ASB18: variants seen among roughly 807,000 people sequenced by gnomAD.
ASB18 encodes ankyrin repeat and SOCS box containing 18, also known as ankyrin repeat and SOCS box protein 18.
In ASB18, 33 loss-of-function variants were observed where a neutral mutation model predicts 33.4. That is an observed-to-expected ratio of 0.99 (90% confidence interval 0.75 to 1.32). The LOEUF (loss-of-function observed/expected upper bound fraction) is 1.32. Ranked by LOEUF, ASB18 falls within the 40% of genes most tolerant of loss-of-function variation. ASB18 has a pLI of 0.00. For synonymous variants in ASB18, 295 were observed against 307.6 expected (o/e 0.96, Z 0.43); for missense variants, 694 against 655.5 (o/e 1.06, Z -0.64).
rs977096619 is a variant in ASB18 at position 236,244,982 on chromosome 2, G to C, written c.206-3580C>G. On this transcript the variant is annotated intron_variant, in intron 1 of 5. Transcript: ENST00000409749. This position sits in a 1 kb window ranked among gnomAD's most constrained non-coding sequence, Gnocchi z 6.1. Reference sequence around the variant, plus strand: ...GAGGAGGGCTGCAGTGGTGCTGGGTGGGGAGGGATGAGGCCACGTTTGGCA... The same window carrying C: ...GAGGAGGGCTGCAGTGGTGCTGGGTCGGGAGGGATGAGGCCACGTTTGGCA... Among the ~76,000 whole-genome samples, 3 of 152,136 alleles carry C rather than the reference G, an allele frequency of 2.0e-5. No homozygotes were observed. In the South Asian group the frequency reaches 6.2e-4, roughly 32 times the overall value.
intron 4 of ASB18, among the ~76,000 whole-genome samples, chr2:236,202,139 T>A (rs1020982507): frequency 6.6e-6 from 1 of 152,002 alleles, no homozygotes; most frequent in Non-Finnish European, 1.5e-5. Flanking sequence ...TTTGTAGAGA[T>A]GGGGTTTCAC....
chr2:236,256,143 A>T lies in ASB18; in HGVS notation c.205+7998T>A, dbSNP rs552215035. ...CCAGCTTAAGTGGTCCTCCTGCCTC[A>T]GTCCCCCAAGTAACTGGGACTATAG... On this transcript the variant is annotated intron_variant, in intron 1 of 5. Transcript: ENST00000409749. This position sits in a 1 kb window ranked among gnomAD's most constrained non-coding sequence, Gnocchi z 4.7. Among the ~76,000 whole-genome samples the T allele has an allele frequency of 6.6e-6, 1 of 152,200 alleles. No individual in the cohort carries two copies. The highest frequency in any genetic ancestry group is 2.4e-5 in the African/African-American group (1 of 41,518).
At position 236,195,979 on chromosome 2, in the gene ASB18, G is replaced by A. The variant is rs898608740; in HGVS notation, c.1215+293C>T. On this transcript the variant is annotated intron_variant, in intron 5 of 5. Transcript: ENST00000409749. This position sits in a 1 kb window ranked among gnomAD's most constrained non-coding sequence, Gnocchi z 5.5. ...TGGAGCTAGGCCCGTGGATTCAGGC[G>A]GCTCTGGCCTTTCTTTGGACACTGG... The A allele has an allele frequency of 9.4e-6, 4 of 423,942 alleles. No individual in the cohort carries two copies. Among genetic ancestry groups the A allele is most frequent in the Non-Finnish European group, 1.3e-5 (3 of 225,522 alleles). 26.3% of individuals were successfully genotyped at this position (423,942 alleles called of 1,614,324 possible).
In ASB18 at chr2:236,257,948, G is replaced by A. The variant is rs191843947; in HGVS notation, c.205+6193C>T. Among the ~76,000 whole-genome samples, 1 of 152,204 alleles carries A rather than the reference G, an allele frequency of 6.6e-6. No individual in the cohort carries two copies. Among genetic ancestry groups the A allele is most frequent in the African/African-American group, 2.4e-5 (1 of 41,452 alleles). On this transcript the variant is annotated intron_variant, in intron 1 of 5. Coordinates refer to ENST00000409749, the MANE Select transcript of ASB18 (RefSeq NM_212556.4). The surrounding 1 kb of genome is among the most constrained non-coding windows in gnomAD (Gnocchi z 5.5). ...GAGATGCTCTCACCTGTTCTCCAGG[G>A]AACAGCAGGGACTTGCGGCATTGCC... is the stretch of plus-strand genomic sequence containing the variant.
At chr2:236,240,462 G>C (rs1576407861) in intron 2 of ASB18, among the ~76,000 whole-genome samples, 1 of 152,258 alleles carries the variant, frequency 6.6e-6, no homozygotes, top group Non-Finnish European at 1.5e-5. Context: ...ACTGACCTCA[G>C]ATTCTCAAAT....
chr2:236,210,610 C>T (rs979089175), intron 4 of ASB18: 2 of 152,228 alleles, frequency 1.3e-5, no homozygotes, highest in Admixed American at 6.5e-5. Context: ...CTCTGCACCA[C>T]AGGAAACAGA....
rs941198919 is a variant in ASB18, at chr2:236,213,028, C to T, written c.1101+1334G>A. ...ATGGGAAGGGCAGTGAGTCTTGTTT[C>T]CATGTTATAAGTTGATGAACTAAGC... On this transcript the variant is annotated intron_variant, in intron 4 of 5. Coordinates refer to ENST00000409749, the MANE Select transcript of ASB18 (RefSeq NM_212556.4). The surrounding 1 kb of genome is among the most constrained non-coding windows in gnomAD (Gnocchi z 4.8). Among the ~76,000 whole-genome samples the T allele has an allele frequency of 2.0e-4, 30 of 152,126 alleles. No individual in the cohort carries two copies. The highest frequency in any genetic ancestry group is 7.2e-4 in the African/African-American group (30 of 41,414).
Position 236,264,082 on chromosome 2 carries a change from C to A in ASB18, c.205+59G>T. On this transcript the variant is annotated intron_variant, in intron 1 of 5. Coordinates refer to ENST00000409749, the MANE Select transcript of ASB18 (RefSeq NM_212556.4). This position sits in a 1 kb window ranked among gnomAD's most constrained non-coding sequence, Gnocchi z 5.1. Reference sequence around the variant, plus strand: ...TGCCCCTCTACCTCCAGGATCTGCCCACCCCATCAGTGTAACTTAGTAATT... The same window carrying A: ...TGCCCCTCTACCTCCAGGATCTGCCAACCCCATCAGTGTAACTTAGTAATT... 2 of 1,495,756 alleles carry A rather than the reference C, an allele frequency of 1.3e-6. No homozygotes were observed. 92.7% of individuals were successfully genotyped at this position (1,495,756 alleles called of 1,614,324 possible). A position where few individuals can be genotyped will look rare whatever the true frequency, so the allele number is the denominator to read the frequency against.
rs1285700802 is a variant in ASB18, at chr2:236,255,024, C to A, written c.205+9117G>T. On this transcript the variant is annotated intron_variant, in intron 1 of 5. Coordinates refer to ENST00000409749, the MANE Select transcript of ASB18 (RefSeq NM_212556.4). This position sits in a 1 kb window ranked among gnomAD's most constrained non-coding sequence, Gnocchi z 4.4. ...CCTGCCCTGTAAGCTGCCTGCTCCC[C>A]ATTTGCGTTCCGCCGCGACTGAAAG... is the stretch of plus-strand genomic sequence containing the variant. Among the ~76,000 whole-genome samples, 1 of 152,210 alleles carries A rather than the reference C, an allele frequency of 6.6e-6. No homozygotes were observed. The highest frequency in any genetic ancestry group is 6.5e-5 in the Admixed American group (1 of 15,278).
intron 1 of ASB18, among the ~76,000 whole-genome samples, chr2:236,258,902 CA>C (rs2060705427): frequency 6.6e-6 from 1 of 152,166 alleles, no homozygotes; most frequent in Non-Finnish European, 1.5e-5. Flanking sequence ...ATTCAAGTAG[CA>C]TCTTGACTTG....
At position 236,193,558 on chromosome 2, in the gene ASB18, A is replaced by G. The variant is rs1324443743; in HGVS notation, c.*1314T>C. On this transcript the variant is annotated 3_prime_UTR_variant, in exon 6 of 6. Transcript: ENST00000409749. The surrounding 1 kb of genome is among the most constrained non-coding windows in gnomAD (Gnocchi z 5.0). ...ATGCCTGTAATCCCAGCACTTTGGGAGGCCGAGGCGGGCAGATCACCTGAG... is the reference window on the plus strand; with the variant it reads ...ATGCCTGTAATCCCAGCACTTTGGGGGGCCGAGGCGGGCAGATCACCTGAG... Among the ~76,000 whole-genome samples, 2 of 152,212 alleles carry G rather than the reference A, an allele frequency of 1.3e-5. No individual in the cohort carries two copies. Among genetic ancestry groups the G allele is most frequent in the Non-Finnish European group, 2.9e-5 (2 of 68,040 alleles).
rs1319781203 is a variant in ASB18 at position 236,229,890 on chromosome 2, CA to C, written c.596+7798del. 2.6e-5 allele frequency among the ~76,000 whole-genome samples: 4 copies of C among 151,934 alleles called. No homozygotes were observed. The highest frequency in any genetic ancestry group is 4.2e-4 in the South Asian group (2 of 4,800). On this transcript the variant is annotated intron_variant, in intron 3 of 5. Transcript: ENST00000409749. The surrounding 1 kb of genome is among the most constrained non-coding windows in gnomAD (Gnocchi z 5.2). ...AAACTACATCAAAGCACCTCATAAC[CA>C]AATTGCTTAAAACCAGTGATTAGAG...
rs2060605817 is a variant in ASB18, at chr2:236,238,300, C to G, written c.329-344G>C. Among the ~76,000 whole-genome samples, 3 of 152,062 alleles carry G rather than the reference C, an allele frequency of 2.0e-5. No individual in the cohort carries two copies. The South Asian group carries it at 6.2e-4, about 32-fold the overall frequency. ...AGTTAAAAGCTGTCCAAGCAGGGTG[C>G]ACGGTAGGCGAATTTAAGTGAGGAA... On this transcript the variant is annotated intron_variant, in intron 2 of 5. Transcript: ENST00000409749. This position sits in a 1 kb window ranked among gnomAD's most constrained non-coding sequence, Gnocchi z 5.2.
rs1243502445 is a variant in ASB18 at position 236,223,803 on chromosome 2, CA to C, written c.597-8938del. Among the ~76,000 whole-genome samples the C allele has an allele frequency of 1.3e-5, 2 of 152,194 alleles. No homozygotes were observed. The highest frequency in any genetic ancestry group is 4.8e-5 in the African/African-American group (2 of 41,452). ...TTTTTTGTATCTGGCTTCTTTTGCT[CA>C]GCATCATGCTGTTCACATTCATCCA... On this transcript the variant is annotated intron_variant, in intron 3 of 5. Coordinates refer to ENST00000409749, the MANE Select transcript of ASB18 (RefSeq NM_212556.4). The surrounding 1 kb of genome is among the most constrained non-coding windows in gnomAD (Gnocchi z 4.6).
chr2:236,212,551 A>G (rs1466205), intron 4 of ASB18, among the ~76,000 whole-genome samples: 27,326 of 152,116 alleles, frequency 0.18, 2,489 homozygotes, highest in East Asian at 0.26. Flanking sequence ...TTCTTCCCTG[A>G]ATAAGTAAGT....
chr2:236,194,946 G>A lies in ASB18; in HGVS notation c.1327C>T (p.Leu443Phe), dbSNP rs2060364096. ...TTTGGCAAGGGTAACAGGGGGATGA[G>A]GTCAAAGCACCTTTTGCCAAACAGT... Reference protein sequence around the residue: ...RRLFGKRCFDLIPLLPLPKPL... With the variant: ...RRLFGKRCFDFIPLLPLPKPL... The change falls in exon 6 of 6, where the codon CTC (leucine) becomes TTC (phenylalanine). Residue 443 changes from leucine to phenylalanine, a missense_variant. Physicochemically the swap from Leu to Phe is conservative, Grantham distance 22. Transcript: ENST00000409749. The surrounding 1 kb of genome is among the most constrained non-coding windows in gnomAD (Gnocchi z 4.5). 6.2e-7 allele frequency: 1 copy of A among 1,613,868 alleles called. No individual in the cohort carries two copies. Among genetic ancestry groups the A allele is most frequent in the South Asian group, 1.1e-5 (1 of 91,006 alleles).
chr2:236,214,094 T>G lies in ASB18; in HGVS notation c.1101+268A>C. On this transcript the variant is annotated intron_variant, in intron 4 of 5. Transcript: ENST00000409749. The surrounding 1 kb of genome is among the most constrained non-coding windows in gnomAD (Gnocchi z 6.5). Reference sequence around the variant, plus strand: ...CATTCTTCACATGCAACCCCTTAATTGTCTCGTGGCTCTAACCAGAAGGCT... The same window carrying G: ...CATTCTTCACATGCAACCCCTTAATGGTCTCGTGGCTCTAACCAGAAGGCT... 2.1e-6 allele frequency: 1 copy of G among 478,406 alleles called. No homozygotes were observed. The highest frequency in any genetic ancestry group is 3.7e-6 in the Non-Finnish European group (1 of 272,628). 29.6% of individuals were successfully genotyped at this position (478,406 alleles called of 1,614,324 possible). A position where few individuals can be genotyped will look rare whatever the true frequency, so the allele number is the denominator to read the frequency against.
rs765360309 is a variant in ASB18, at chr2:236,225,526, C to T, written c.597-10660G>A. On this transcript the variant is annotated intron_variant, in intron 3 of 5. Coordinates refer to ENST00000409749, the MANE Select transcript of ASB18 (RefSeq NM_212556.4). This position sits in a 1 kb window ranked among gnomAD's most constrained non-coding sequence, Gnocchi z 5.1. ...AAGTCATTCTCACTTTTGTTTAAAT[C>T]GAGACAGCTATAGACAAGAAAAAGA... Among the ~76,000 whole-genome samples the T allele has an allele frequency of 5.9e-5, 9 of 152,128 alleles. No individual in the cohort carries two copies. Among genetic ancestry groups the T allele is most frequent in the African/African-American group, 1.4e-4 (6 of 41,410 alleles).
chr2:236,214,678 G>T lies in ASB18; in HGVS notation c.785C>A (p.Ala262Glu). 4 of 1,141,492 alleles carry T rather than the reference G, an allele frequency of 3.5e-6. No homozygotes were observed. Among genetic ancestry groups the T allele is most frequent in the Non-Finnish European group, 4.3e-6 (4 of 931,292 alleles). The allele number at this position is 1,141,492 out of a possible 1,614,324, so 70.7% of individuals were successfully genotyped here. The change falls in exon 4 of 6, where the codon GCG becomes GAG. Residue 262 changes from alanine (A) to glutamate (E), a missense_variant. Physicochemically the swap from Ala to Glu is moderately radical, Grantham distance 107 (BLOSUM62 -1). Transcript: ENST00000409749. The surrounding 1 kb of genome is among the most constrained non-coding windows in gnomAD (Gnocchi z 6.5). ...CCCGTGCTCGTCGGGCCTCCGCGCCGCACCGCAGGCCGCGCTCAGAGCCGT... is the reference window on the plus strand; with the variant it reads ...CCCGTGCTCGTCGGGCCTCCGCGCCTCACCGCAGGCCGCGCTCAGAGCCGT... ...GETALSAACG[A>E]ARRPDEHGRC...
Sources: allele counts gnomAD v4.1 joint callset (sites outside exome capture counted in the v4.1 genomes callset), GRCh38; gene constraint gnomAD v4.1.1; non-coding constraint Gnocchi (gnomAD v3.1); transcripts MANE v1.5; gene names NCBI Gene and HGNC (gene_info 2026-07-23, HGNC 2026-07-21).